Variants in SPAG16 observed in about 807,000 individuals in gnomAD.
SPAG16 encodes sperm associated antigen 16.
SPAG16 carries 86 observed loss-of-function variants against 80.4 expected under a neutral mutation model. The ratio of observed to expected loss-of-function variants is 1.07; its 90% CI spans 0.90 to 1.28. SPAG16 has a LOEUF of 1.28. SPAG16 is among the 50% of genes most tolerant of loss of function. The pLI is 0.00. For synonymous variants in SPAG16, 294 were observed against 265.9 expected (o/e 1.11, Z -1.03); for missense variants, 870 against 765.3 (o/e 1.14, Z -1.61).
chr2:213,548,698 G>C (rs1042115686), intron 10 of SPAG16, among the ~76,000 whole-genome samples: 1 of 152,016 alleles, frequency 6.6e-6, no homozygotes, highest in Non-Finnish European at 1.5e-5. Flanking sequence ...TTCTTTTGAT[G>C]TGGTTATTTC....
intron 15 of SPAG16, among the ~76,000 whole-genome samples, chr2:214,246,736 T>C (rs2888266): frequency 0.99 from 150,964 of 152,160 alleles, 74,888 homozygotes; most frequent in Middle Eastern, 1. Flanking sequence ...TCCAGAGCTT[T>C]GGGGAATGTT....
At chr2:213,960,123 A>C (rs1217925285) in intron 12 of SPAG16, among the ~76,000 whole-genome samples, 2 of 151,850 alleles carry the variant, frequency 1.3e-5, no homozygotes, top group Non-Finnish European at 2.9e-5. Context: ...CCTATCTTCA[A>C]ATTTGTTTCC....
intron 15 of SPAG16, among the ~76,000 whole-genome samples, chr2:214,232,500 T>TTCAGA (rs1344067873): frequency 5.9e-5 from 9 of 152,122 alleles, no homozygotes; most frequent in African/African-American, 1.9e-4. Flanking sequence ...TGGAGAATAT[T>TTCAGA]TCAGATTCTT....
chr2:213,287,442 C>T (rs2062095555), intron 1 of SPAG16, among the ~76,000 whole-genome samples: 1 of 152,202 alleles, frequency 6.6e-6, no homozygotes. Flanking sequence ...GGTTAATTGA[C>T]TTTGTTGTTC....
At chr2:214,258,471 G>GTGTGTGTGTGTA (rs1553539128) in intron 15 of SPAG16, among the ~76,000 whole-genome samples, 2 of 141,434 alleles carry the variant, frequency 1.4e-5, no homozygotes, top group African/African-American at 5.2e-5. Context: ...ATGTGTGTGT[G>GTGTGTGTGTGTA]TATATATATA....
chr2:213,743,084 TG>T (rs5838386), intron 10 of SPAG16, among the ~76,000 whole-genome samples: 32,968 of 151,760 alleles, frequency 0.22, 4,430 homozygotes, highest in Middle Eastern at 0.33. Context: ...TTTGTATTTT[TG>T]GTAGAGACAG....
chr2:213,804,335 C>G (rs2071605858), intron 10 of SPAG16, among the ~76,000 whole-genome samples: 1 of 152,126 alleles, frequency 6.6e-6, no homozygotes, highest in African/African-American at 2.4e-5. Flanking sequence ...GGAAATAATT[C>G]TTTATCTCTG....
chr2:214,261,694 AAGTT>A (rs1382752908), intron 15 of SPAG16, among the ~76,000 whole-genome samples: 2 of 152,186 alleles, frequency 1.3e-5, no homozygotes, highest in Non-Finnish European at 2.9e-5. Context: ...TGTGCTTATT[AAGTT>A]AAATTTTTCT....
intron 13 of SPAG16, among the ~76,000 whole-genome samples, chr2:214,056,266 A>G (rs969330662): frequency 7.5e-5 from 11 of 146,678 alleles, no homozygotes; most frequent in Non-Finnish European, 1.3e-4. Flanking sequence ...TTTTTGCACA[A>G]GATGTAGTAG....
chr2:214,060,851 A>G (rs2050224973), intron 13 of SPAG16, among the ~76,000 whole-genome samples: 1 of 152,210 alleles, frequency 6.6e-6, no homozygotes, highest in South Asian at 2.1e-4. Context: ...AAAATAAAAT[A>G]TATTATAAAA....
chr2:214,006,369 T>C (rs1276996863), intron 12 of SPAG16, among the ~76,000 whole-genome samples: 1 of 152,218 alleles, frequency 6.6e-6, no homozygotes, highest in Non-Finnish European at 1.5e-5. Flanking sequence ...GTATGGGAGA[T>C]GCATTTTAAA....
At chr2:213,609,555 A>G (rs557950559) in intron 10 of SPAG16, among the ~76,000 whole-genome samples, 29 of 152,284 alleles carry the variant, frequency 1.9e-4, no homozygotes, top group African/African-American at 6.7e-4. Flanking sequence ...ATGAACAGCA[A>G]TCTATTGAGT....
At chr2:213,689,194 G>A (rs955553621) in intron 10 of SPAG16, among the ~76,000 whole-genome samples, 4 of 152,120 alleles carry the variant, frequency 2.6e-5, no homozygotes, top group Non-Finnish European at 2.9e-5. Context: ...GCCTGACCTC[G>A]TGATCCACCC....
intron 12 of SPAG16, among the ~76,000 whole-genome samples, chr2:213,994,075 A>G (rs1030470023): frequency 3.9e-5 from 6 of 152,204 alleles, no homozygotes; most frequent in Non-Finnish European, 8.8e-5. Flanking sequence ...GAGAATAATT[A>G]GTGTGATACG....
chr2:213,574,052 GA>G (rs1455251021), intron 10 of SPAG16, among the ~76,000 whole-genome samples: 5 of 151,742 alleles, frequency 3.3e-5, no homozygotes, highest in African/African-American at 4.8e-5. Context: ...TATAATTTGA[GA>G]AAAAAAGAAA....
At chr2:213,412,597 G>A (rs1459133296) in intron 9 of SPAG16, among the ~76,000 whole-genome samples, 2 of 151,942 alleles carry the variant, frequency 1.3e-5, no homozygotes, top group African/African-American at 4.8e-5. Flanking sequence ...GTGACATCTT[G>A]TGCCACTCTC....
chr2:213,647,448 T>C lies in SPAG16; in HGVS notation c.1070+157358T>C, dbSNP rs561889377. 5.3e-5 allele frequency among the ~76,000 whole-genome samples: 8 copies of C among 152,224 alleles called. No individual in the cohort carries two copies. The South Asian group carries it at 1.5e-3, about 28-fold the overall frequency. ...TTAGGAGCATGCTATTATTTTATTT[T>C]GCTCATTCTTTAAGACTCAGGTCCC... On this transcript the variant is annotated intron_variant, in intron 10 of 15. Coordinates refer to ENST00000331683, the MANE Select transcript of SPAG16 (RefSeq NM_024532.5).
Position 213,798,963 on chromosome 2 carries a change from T to C in SPAG16, c.1071-63522T>C, listed in dbSNP as rs1033208567. ...TGTCTGTCATCATGCCAGTACCCTA[T>C]TCCTTACTGTAGGTTTGTAATAAGT... On this transcript the variant is annotated intron_variant, in intron 10 of 15. Transcript: ENST00000331683. Among the ~76,000 whole-genome samples the C allele has an allele frequency of 2.6e-5, 4 of 152,218 alleles. No individual in the cohort carries two copies. The East Asian group carries it at 7.7e-4, about 29-fold the overall frequency.
chr2:214,141,045 C>T (rs1278115164), intron 14 of SPAG16, among the ~76,000 whole-genome samples: 1 of 150,792 alleles, frequency 6.6e-6, no homozygotes, highest in Non-Finnish European at 1.5e-5. Context: ...GTTTTATTTG[C>T]TTCTTTTTAA....
Sources: allele counts gnomAD v4.1 joint callset (sites outside exome capture counted in the v4.1 genomes callset), GRCh38; gene constraint gnomAD v4.1.1; transcripts MANE v1.5; gene names NCBI Gene and HGNC (gene_info 2026-07-23, HGNC 2026-07-21).